Variants in DNAJC12 observed in about 807,000 individuals in gnomAD.
DNAJC12 encodes the protein dnaJ homolog subfamily C member 12.
Under a neutral mutation model 28.5 loss-of-function variants are expected in DNAJC12, and 25 were observed. The ratio of observed to expected loss-of-function variants is 0.88; its 90% CI spans 0.64 to 1.22. The LOEUF (loss-of-function observed/expected upper bound fraction) is 1.22. DNAJC12 is among the 50% of genes most tolerant of loss of function. DNAJC12 has a pLI of 0.00. For missense variants in DNAJC12, 222 were observed against 231.7 expected (o/e 0.96, Z 0.27); for synonymous variants, 77 against 80.6 (o/e 0.95, Z 0.24).
intron 2 of DNAJC12, 26 bp from the exon 3 acceptor site, chr10:67,811,689 A>T (rs2131797499): frequency 6.2e-7 from 1 of 1,605,404 alleles, no homozygotes; most frequent in Non-Finnish European, 8.5e-7. Flanking sequence ...AGAAATGAGC[A>T]CTTCTCTCTC....
intron 2 of DNAJC12, among the ~76,000 whole-genome samples, chr10:67,815,060 A>G (rs1841899643): frequency 6.6e-6 from 1 of 152,246 alleles, no homozygotes; most frequent in African/African-American, 2.4e-5. Context: ...TGATAGCAGC[A>G]TTACTCATAA....
rs763618512 is a variant in DNAJC12, at chr10:67,797,218, GGAAA to G, written c.503-12_503-9del. ...CATTCACATCTGCAAAACCTTTAAA[GGAAA>G]GAAAGTAAATATTTAAAATCAGAAG... On this transcript the variant is annotated splice_polypyrimidine_tract_variant and intron_variant, in intron 4 of 4. Transcript: ENST00000225171. 3.1e-6 allele frequency: 5 copies of G among 1,610,052 alleles called. No homozygotes were observed. The South Asian group carries it at 5.5e-5, about 18-fold the overall frequency.
At chr10:67,800,367 C>T (rs571755785) in intron 4 of DNAJC12, among the ~76,000 whole-genome samples, 1 of 152,152 alleles carries the variant, frequency 6.6e-6, no homozygotes, top group African/African-American at 2.4e-5. Flanking sequence ...GCAAATGATC[C>T]CACTGGGGAA....
intron 3 of DNAJC12, among the ~76,000 whole-genome samples, chr10:67,806,301 C>A (rs1490013784): frequency 6.6e-6 from 1 of 152,186 alleles, no homozygotes; most frequent in Non-Finnish European, 1.5e-5. Flanking sequence ...GAAACATAGC[C>A]TTTAACACCC....
intron 1 of DNAJC12, chr10:67,827,478 G>A (rs1842048463): frequency 6.6e-6 from 1 of 152,114 alleles, no homozygotes; most frequent in East Asian, 1.9e-4. Flanking sequence ...TCTGAGGTCA[G>A]GAGTTAAGAG....
chr10:67,798,387 T>A (rs1053302220), intron 4 of DNAJC12, among the ~76,000 whole-genome samples: 1 of 151,850 alleles, frequency 6.6e-6, no homozygotes, highest in Non-Finnish European at 1.5e-5. Context: ...TTTTTAAGTC[T>A]AAAAAAAGAA....
rs115779262 is a variant in DNAJC12, at chr10:67,801,497, C to A, written c.502+4086G>T. ...ATTCTCCAACAACAGCTTTTTAGAA[C>A]AATGATTCCCAGTTGGATGCAATGG... On this transcript the variant is annotated intron_variant, in intron 4 of 4. Transcript: ENST00000225171. Among the ~76,000 whole-genome samples, 1,348 of 152,240 alleles carry A rather than the reference C, an allele frequency of 8.9e-3. 17 individuals are homozygous for A. The highest frequency in any genetic ancestry group is 0.031 in the African/African-American group (1,276 of 41,552).
intron 1 of DNAJC12, chr10:67,833,619 A>T (rs1270103937): frequency 1.8e-5 from 5 of 279,952 alleles, no homozygotes; most frequent in Non-Finnish European, 3.6e-5. Flanking sequence ...TAACTATAGC[A>T]ATGTTAATTT....
intron 1 of DNAJC12, chr10:67,833,818 G>T: frequency 2.0e-6 from 1 of 502,606 alleles, no homozygotes; most frequent in Non-Finnish European, 4.1e-6. Flanking sequence ...GGATTTGCAG[G>T]CCATTATGTT....
intron 3 of DNAJC12, chr10:67,808,356 C>G (rs1284545952): frequency 1.3e-5 from 2 of 152,116 alleles, no homozygotes; most frequent in African/African-American, 4.8e-5. Context: ...GTGCAAAGGC[C>G]ACTAATCTTA....
chr10:67,828,244 G>A (rs1253950735), intron 1 of DNAJC12, among the ~76,000 whole-genome samples: 3 of 152,042 alleles, frequency 2.0e-5, no homozygotes, highest in Admixed American at 2.0e-4. Flanking sequence ...AGACTTTCTT[G>A]AAAAAAATTG....
chr10:67,810,732 G>A lies in DNAJC12; in HGVS notation c.297+792C>T, dbSNP rs578043326. On this transcript the variant is annotated intron_variant, in intron 3 of 4. Transcript: ENST00000225171. ...TTCTAAAATAAAAACTATGAAGAAG[G>A]AAATCTAAATGTAACCCTGAAGGGC... 17 of 152,184 alleles carry A rather than the reference G, an allele frequency of 1.1e-4. No individual in the cohort carries two copies. The South Asian group carries it at 3.5e-3, about 32-fold the overall frequency. The allele number at this position is 152,184 out of a possible 1,614,324, so 9.4% of individuals were successfully genotyped here. A position where few individuals can be genotyped will look rare whatever the true frequency, so the allele number is the denominator to read the frequency against.
chr10:67,834,909 G>A (rs1842128099), intron 1 of DNAJC12, among the ~76,000 whole-genome samples: 1 of 152,106 alleles, frequency 6.6e-6, no homozygotes, highest in Non-Finnish European at 1.5e-5. Flanking sequence ...TTTTGAAATG[G>A]GGAATATATT....
rs552141932 is a variant in DNAJC12, at chr10:67,805,647, T to C, written c.438A>G (p.Lys146=). 2.5e-6 allele frequency: 4 copies of C among 1,613,774 alleles called. No homozygotes were observed. In the South Asian group the frequency reaches 4.4e-5, roughly 18 times the overall value. The change falls in exon 4 of 5, where the codon AAA becomes AAG. Residue 146 remains lysine, a synonymous_variant. Coordinates refer to ENST00000225171, the MANE Select transcript of DNAJC12 (RefSeq NM_021800.3). ...KKEELASTAE[K]TEQKEPKPLE... ...GGGGCTTGGGTTCTTTCTGCTCCGT[T>C]TTCTCTGCGGTTGAAGCCAGCTCCT...
chr10:67,818,556 T>C (rs1841938462), intron 2 of DNAJC12, among the ~76,000 whole-genome samples: 2 of 152,198 alleles, frequency 1.3e-5, no homozygotes, highest in South Asian at 4.1e-4. Context: ...AAATTGTTTG[T>C]CAGGGACAGA....
chr10:67,837,954 C>G lies in DNAJC12; in HGVS notation c.58G>C (p.Gly20Arg). Residue 20 changes from glycine (G) to arginine (R), a missense_variant, in exon 1 of 5, where the codon GGA (glycine) becomes CGA (arginine). Physicochemically the swap from Gly to Arg is moderately radical, Grantham distance 125. Coordinates refer to ENST00000225171, the MANE Select transcript of DNAJC12 (RefSeq NM_021800.3). ...CTTACCGAAGATAGTTCATCACATC[C>G]CAGTAATGTGTAGTAATCTTCAGTA... Reference protein sequence around the residue: ...EDTEDYYTLLGCDELSSVEQI... With the variant: ...EDTEDYYTLLRCDELSSVEQI... The G allele has an allele frequency of 6.2e-7, 1 of 1,605,706 alleles. No homozygotes were observed. Among genetic ancestry groups the G allele is most frequent in the South Asian group, 1.1e-5 (1 of 90,088 alleles).
intron 4 of DNAJC12, among the ~76,000 whole-genome samples, chr10:67,797,440 TTAA>T (rs1282104572): frequency 1.8e-4 from 28 of 152,200 alleles, no homozygotes; most frequent in African/African-American, 5.8e-4. Flanking sequence ...GCTTAAATAC[TTAA>T]TAAGAGGAAA....
chr10:67,820,844 C>T (rs1315611303), intron 2 of DNAJC12, among the ~76,000 whole-genome samples: 7 of 132,202 alleles, frequency 5.3e-5, no homozygotes, highest in Admixed American at 3.7e-4. Context: ...AGTGCAATGG[C>T]GCAAGCTCTG....
chr10:67,801,836 CTTTTTTTTTTTTTTTTTTTTTT>C (rs577511924), intron 4 of DNAJC12, among the ~76,000 whole-genome samples: 4 of 26,122 alleles, frequency 1.5e-4, no homozygotes, highest in Admixed American at 1.5e-3. Context: ...CCACTTCATT[CTTTTTTTTTTTTTTTTTTTTTT>C]TTTTTTTTTT....
Sources: gnomAD v4.1 joint callset for allele counts (sites outside exome capture counted in the v4.1 genomes callset) on GRCh38, gnomAD v4.1.1 for gene constraint, MANE v1.5 for transcripts, NCBI Gene and HGNC (gene_info 2026-07-23, HGNC 2026-07-21) for gene names.